The following HSF2BP variants were observed in gnomAD, a reference collection of about 807,000 sequenced individuals.
HSF2BP encodes the protein heat shock transcription factor 2 binding protein, also known as heat shock factor 2-binding protein.
In HSF2BP, 35 loss-of-function variants were observed where a neutral mutation model predicts 35.0. The observed-to-expected ratio is 1.00, with a 90% CI of 0.76 to 1.32. HSF2BP has a LOEUF of 1.32. Among genes scored for constraint, HSF2BP ranks in the 40% most tolerant of loss-of-function variants. HSF2BP has a pLI of 0.00. For synonymous variants in HSF2BP, 114 were observed against 117.4 expected (o/e 0.97, Z 0.18); for missense variants, 326 against 321.7 (o/e 1.01, Z -0.10).
intron 7 of HSF2BP, among the ~76,000 whole-genome samples, chr21:43,605,655 CCACA>C (rs888128078): frequency 6.0e-5 from 9 of 150,980 alleles, no homozygotes; most frequent in African/African-American, 2.2e-4. Flanking sequence ...ACATCTCCAC[CCACA>C]CACAAAATAC....
chr21:43,658,105 C>T lies in HSF2BP; in HGVS notation c.-9G>A. On this transcript the variant is annotated 5_prime_UTR_variant, in exon 2 of 9. Transcript: ENST00000291560. ...GCGCCCGCTTCGCCCATGGCCGCTGCCGCCTCCGCTCCGTTCGCCTGAGCG... is the reference window on the plus strand; with the variant it reads ...GCGCCCGCTTCGCCCATGGCCGCTGTCGCCTCCGCTCCGTTCGCCTGAGCG... The T allele has an allele frequency of 1.3e-6, 2 of 1,533,720 alleles. No individual in the cohort carries two copies. Among genetic ancestry groups the T allele is most frequent in the Non-Finnish European group, 1.7e-6 (2 of 1,145,020 alleles).
At chr21:43,644,709 C>A (rs765009779) in intron 3 of HSF2BP, among the ~76,000 whole-genome samples, 7 of 152,210 alleles carry the variant, frequency 4.6e-5, no homozygotes, top group Non-Finnish European at 8.8e-5. Flanking sequence ...GAAGGCAGAG[C>A]TGAGAAGCCC....
chr21:43,574,398 C>T (rs925350101), intron 8 of HSF2BP, among the ~76,000 whole-genome samples: 1 of 151,838 alleles, frequency 6.6e-6, no homozygotes, highest in African/African-American at 2.4e-5. Flanking sequence ...CGCTCTGTCG[C>T]CCAGGCTGGA....
chr21:43,659,215 C>A lies in HSF2BP; in HGVS notation c.-225+171G>T, dbSNP rs1377390252. Among the ~76,000 whole-genome samples, 1 of 152,002 alleles carries A rather than the reference C, an allele frequency of 6.6e-6. No homozygotes were observed. The highest frequency in any genetic ancestry group is 1.9e-4 in the East Asian group (1 of 5,138). On this transcript the variant is annotated intron_variant, in intron 1 of 8. Transcript: ENST00000291560. The surrounding 1 kb of genome is among the most constrained non-coding windows in gnomAD (Gnocchi z 4.2). The stretch of plus-strand genomic sequence containing the variant: ...GGGCGGTCGAGATGGGAGGATCGAT[C>A]GAGTCTGGGAGGTCGAGGCTGCAGT...
At chr21:43,601,814 G>T (rs1017085469) in intron 7 of HSF2BP, among the ~76,000 whole-genome samples, 1 of 152,158 alleles carries the variant, frequency 6.6e-6, no homozygotes, top group South Asian at 2.1e-4. Flanking sequence ...GATACAGTTT[G>T]TCTTGAAAAC....
chr21:43,620,285 G>A (rs771537765), intron 6 of HSF2BP, among the ~76,000 whole-genome samples: 1 of 152,330 alleles, frequency 6.6e-6, no homozygotes, highest in Non-Finnish European at 1.5e-5. Flanking sequence ...GGCAATATAT[G>A]AGCTCTCTGA....
chr21:43,629,021 T>C (rs1056733500), intron 6 of HSF2BP, among the ~76,000 whole-genome samples: 2 of 152,220 alleles, frequency 1.3e-5, no homozygotes, highest in Admixed American at 6.5e-5. Flanking sequence ...TCATTGACAA[T>C]GCACCTGGTC....
intron 7 of HSF2BP, 43 bp downstream of exon 7, chr21:43,613,787 T>C: frequency 1.5e-6 from 2 of 1,309,298 alleles, no homozygotes; most frequent in Non-Finnish European, 2.2e-6. Context: ...ACAGTCTAAT[T>C]AATATGTAAA....
At chr21:43,584,751 C>T (rs1450151210) in intron 8 of HSF2BP, among the ~76,000 whole-genome samples, 3 of 152,170 alleles carry the variant, frequency 2.0e-5, no homozygotes, top group African/African-American at 4.8e-5. Flanking sequence ...AAAAAACTTT[C>T]GGATTAAGCG....
intron 5 of HSF2BP, among the ~76,000 whole-genome samples, chr21:43,632,923 A>G (rs985264346): frequency 6.6e-6 from 1 of 152,162 alleles, no homozygotes; most frequent in African/African-American, 2.4e-5. Context: ...ATCTACATAC[A>G]TGTATATATG....
At chr21:43,644,613 T>C (rs185993361) in intron 3 of HSF2BP, among the ~76,000 whole-genome samples, 33 of 152,346 alleles carry the variant, frequency 2.2e-4, no homozygotes, top group Non-Finnish European at 3.5e-4. Flanking sequence ...AGGACTTTGG[T>C]TGTTTTCTGT....
chr21:43,651,172 G>A (rs2082780863), intron 3 of HSF2BP, among the ~76,000 whole-genome samples: 2 of 152,104 alleles, frequency 1.3e-5, no homozygotes, highest in Non-Finnish European at 2.9e-5. Context: ...CACACCATCT[G>A]AGGAGGTGTT....
intron 8 of HSF2BP, among the ~76,000 whole-genome samples, chr21:43,574,937 G>A (rs2081623547): frequency 6.6e-6 from 1 of 152,150 alleles, no homozygotes; most frequent in Non-Finnish European, 1.5e-5. Flanking sequence ...ACAGCTCAGG[G>A]CCTCAGGCTC....
chr21:43,589,921 C>G (rs2081905179), intron 8 of HSF2BP, among the ~76,000 whole-genome samples: 1 of 152,182 alleles, frequency 6.6e-6, no homozygotes, highest in Non-Finnish European at 1.5e-5. Flanking sequence ...AAATGCAAAA[C>G]TATAAAACTA....
the HSF2BP span, among the ~76,000 whole-genome samples, chr21:43,507,075 G>A: frequency 1.3e-4 from 16 of 125,290 alleles, 3 homozygotes; most frequent in African/African-American, 3.4e-4. Flanking sequence ...CACAGAGCAC[G>A]CGTGGCAAGG....
chr21:43,633,226 C>G (rs778130625), intron 5 of HSF2BP, 46 bp downstream of exon 5: 1 of 1,577,810 alleles, frequency 6.3e-7, no homozygotes. Context: ...CTAATTTACA[C>G]AAGCAGTAAT....
intron 4 of HSF2BP, among the ~76,000 whole-genome samples, chr21:43,634,459 T>C (rs966305605): frequency 6.6e-6 from 1 of 152,178 alleles, no homozygotes; most frequent in African/African-American, 2.4e-5. Flanking sequence ...CCAAATGTAA[T>C]TAGTTACATA....
intron 5 of HSF2BP, 158 bp downstream of exon 5, chr21:43,633,114 T>C (rs995150165): frequency 5.8e-6 from 4 of 692,340 alleles, no homozygotes; most frequent in Admixed American, 3.5e-5. Flanking sequence ...CAGGTTACAA[T>C]GAACCATATA....
intron 7 of HSF2BP, among the ~76,000 whole-genome samples, chr21:43,605,953 G>A (rs1167366070): frequency 6.6e-6 from 1 of 152,108 alleles, no homozygotes; most frequent in Non-Finnish European, 1.5e-5. Context: ...TCTGACACGT[G>A]AGAAGAAAAA....
Sources: allele counts gnomAD v4.1 joint callset (sites outside exome capture counted in the v4.1 genomes callset), GRCh38; gene constraint gnomAD v4.1.1; non-coding constraint Gnocchi (gnomAD v3.1); transcripts MANE v1.5; gene names NCBI Gene and HGNC (gene_info 2026-07-23, HGNC 2026-07-21).